ADAMTS3: variants seen among roughly 807,000 people sequenced by gnomAD.
ADAMTS3 encodes A disintegrin and metalloproteinase with thrombospondin motifs 3.
ADAMTS3 carries 73 observed loss-of-function variants against 129.0 expected under a neutral mutation model. That is an observed-to-expected ratio of 0.57 (90% CI 0.47 to 0.69). The LOEUF is 0.69. ADAMTS3 is among the 30% of genes least tolerant of loss of function. ADAMTS3 has a pLI of 0.00. For missense variants in ADAMTS3, 1,457 were observed against 1,514.5 expected, an observed-to-expected ratio of 0.96 and a Z score of 0.63; for synonymous variants, 477 against 510.8, an observed-to-expected ratio of 0.93 and a Z score of 0.89.
intron 3 of ADAMTS3, among the ~76,000 whole-genome samples, chr4:72,545,352 C>G (rs1430760365): frequency 2.0e-5 from 3 of 152,122 alleles, no homozygotes; most frequent in African/African-American, 4.8e-5. Context: ...TCCAATAGCT[C>G]AGACCTGGCA....
intron 3 of ADAMTS3, among the ~76,000 whole-genome samples, chr4:72,497,025 C>T (rs185549024): frequency 1.3e-5 from 2 of 152,024 alleles, no homozygotes; most frequent in African/African-American, 4.8e-5. Context: ...ATTCCAGGTC[C>T]CCCCTTTGGA....
rs1057307090 is a variant in ADAMTS3, at chr4:72,366,866, A to C, written c.662-27173T>G. Among the ~76,000 whole-genome samples, 3 of 151,788 alleles carry C rather than the reference A, an allele frequency of 2.0e-5. No individual in the cohort carries two copies. In the East Asian group the frequency reaches 5.8e-4, roughly 29 times the overall value. On this transcript the variant is annotated intron_variant, in intron 4 of 21. Coordinates refer to ENST00000286657, the MANE Select transcript of ADAMTS3 (RefSeq NM_014243.3). ...TAAGGAAAGTCTGAACAGAGTTTGT[A>C]TCTACTCTAAATAAGTGGTTCTTTC...
rs188161093 is a variant in ADAMTS3 at position 72,375,344 on chromosome 4, C to T, written c.662-35651G>A. On this transcript the variant is annotated intron_variant, in intron 4 of 21. Transcript: ENST00000286657. ...GTGTATCCAATTCCACAAATATTTC[C>T]TGAGTGCCTACTACGTGCCCAGCAC... Among the ~76,000 whole-genome samples the T allele has an allele frequency of 9.0e-4, 137 of 152,290 alleles. 3 individuals carry two copies. Among genetic ancestry groups the T allele is most frequent in the Non-Finnish European group, 2.6e-4 (18 of 68,022 alleles).
At chr4:72,566,839 T>C (rs139284912) in intron 2 of ADAMTS3, among the ~76,000 whole-genome samples, 213 of 152,302 alleles carry the variant, frequency 1.4e-3, no homozygotes, top group African/African-American at 4.8e-3. Context: ...GGATTTTAGA[T>C]ATTAGCAAAA....
At chr4:72,318,780 CTTAGCTTATATACT>C in intron 9 of ADAMTS3, 76 bp from the exon 10 acceptor site, 1 of 1,426,372 alleles carries the variant, frequency 7.0e-7, no homozygotes, top group Admixed American at 2.0e-5. Context: ...AAAAAGTAGT[CTTAGCTTATATACT>C]TTAGAATTTC....
chr4:72,384,114 C>T (rs1159809081), intron 4 of ADAMTS3, among the ~76,000 whole-genome samples: 2 of 151,580 alleles, frequency 1.3e-5, no homozygotes, highest in African/African-American at 2.4e-5. Flanking sequence ...AGAAAATATC[C>T]AAAAAGAAGA....
intron 16 of ADAMTS3, among the ~76,000 whole-genome samples, chr4:72,305,527 A>G (rs1001796473): frequency 3.9e-5 from 6 of 152,016 alleles, no homozygotes; most frequent in African/African-American, 1.4e-4. Flanking sequence ...TAGAGCAAAA[A>G]GTGTATAAGA....
At chr4:72,549,964 A>AGAAAG (rs1721572064) in intron 2 of ADAMTS3, among the ~76,000 whole-genome samples, 1 of 67,496 alleles carries the variant, frequency 1.5e-5, no homozygotes, top group East Asian at 6.9e-4. Flanking sequence ...AAAAAAAAAA[A>AGAAAG]GAAGAAGAAG....
intron 3 of ADAMTS3, among the ~76,000 whole-genome samples, chr4:72,438,042 T>C (rs1034946115): frequency 2.6e-5 from 4 of 151,726 alleles, no homozygotes; most frequent in African/African-American, 9.7e-5. Flanking sequence ...TTTTAGCTAT[T>C]GTGATTTAAA....
chr4:72,471,139 T>C (rs1322894489), intron 3 of ADAMTS3, among the ~76,000 whole-genome samples: 2 of 152,162 alleles, frequency 1.3e-5, no homozygotes, highest in Non-Finnish European at 2.9e-5. Context: ...AACGTGAGCC[T>C]GCCTTTTCAA....
chr4:72,309,994 G>A (rs1269515367), intron 14 of ADAMTS3, among the ~76,000 whole-genome samples: 2 of 152,030 alleles, frequency 1.3e-5, no homozygotes, highest in Non-Finnish European at 2.9e-5. Context: ...ACACAGAATA[G>A]AAAAGCATTT....
intron 4 of ADAMTS3, among the ~76,000 whole-genome samples, chr4:72,409,003 C>T (rs1338090209): frequency 6.6e-6 from 1 of 151,774 alleles, no homozygotes; most frequent in African/African-American, 2.4e-5. Context: ...TACCAGGTCA[C>T]GTGTATACCT....
rs76050436 is a variant in ADAMTS3, at chr4:72,431,165, G to A, written c.505-16194C>T. Among the ~76,000 whole-genome samples, 47 of 151,950 alleles carry A rather than the reference G, an allele frequency of 3.1e-4. No homozygotes were observed. The Middle Eastern group carries it at 0.014, about 44-fold the overall frequency. On this transcript the variant is annotated intron_variant, in intron 3 of 21. Coordinates refer to ENST00000286657, the MANE Select transcript of ADAMTS3 (RefSeq NM_014243.3). ...ACACCCACAGAGCATAAACAGAAGC[G>A]GAAAGAAAGAAAAGAATTATGGCAC... is the stretch of plus-strand genomic sequence containing the variant.
intron 4 of ADAMTS3, among the ~76,000 whole-genome samples, chr4:72,369,911 G>A (rs1439900897): frequency 6.6e-6 from 1 of 152,058 alleles, no homozygotes; most frequent in Non-Finnish European, 1.5e-5. Context: ...AGCCATCTAT[G>A]TTCTTTTCCA....
intron 3 of ADAMTS3, among the ~76,000 whole-genome samples, chr4:72,494,510 C>T: frequency 6.6e-6 from 1 of 152,134 alleles, no homozygotes; most frequent in East Asian, 1.9e-4. Flanking sequence ...TCTGTGTTCT[C>T]TTTTAGCTAC....
At chr4:72,386,720 C>T (rs1265564509) in intron 4 of ADAMTS3, among the ~76,000 whole-genome samples, 1 of 152,122 alleles carries the variant, frequency 6.6e-6, no homozygotes, top group African/African-American at 2.4e-5. Context: ...CAACACTCTA[C>T]ATCTATTGAG....
chr4:72,373,399 A>C (rs1351149670), intron 4 of ADAMTS3, among the ~76,000 whole-genome samples: 1 of 152,206 alleles, frequency 6.6e-6, no homozygotes, highest in Non-Finnish European at 1.5e-5. Flanking sequence ...CATTAACAAT[A>C]AAATGAATTT....
At chr4:72,385,917 C>T (rs142722964) in intron 4 of ADAMTS3, among the ~76,000 whole-genome samples, 71 of 152,160 alleles carry the variant, frequency 4.7e-4, no homozygotes, top group Non-Finnish European at 9.7e-4. Flanking sequence ...ATTAGGAAGG[C>T]ATAAAAATCA....
chr4:72,515,630 T>C (rs1376469369), intron 3 of ADAMTS3, among the ~76,000 whole-genome samples: 12 of 151,876 alleles, frequency 7.9e-5, no homozygotes, highest in Non-Finnish European at 1.5e-4. Context: ...TGCATAAATG[T>C]CTTCTTTTGA....
Sources: gnomAD v4.1 joint callset for allele counts (sites outside exome capture counted in the v4.1 genomes callset) on GRCh38, gnomAD v4.1.1 for gene constraint, MANE v1.5 for transcripts, NCBI Gene and HGNC (gene_info 2026-07-23, HGNC 2026-07-21) for gene names.